Variants in ATP6V1B2 observed in about 807,000 individuals in gnomAD.
ATP6V1B2 encodes the protein V-type proton ATPase subunit B, brain isoform.
A neutral mutation model predicts 66.7 loss-of-function variants in ATP6V1B2; 23 were observed. That is an observed-to-expected ratio of 0.34 (90% CI 0.25 to 0.49). The LOEUF is 0.49. ATP6V1B2 is among the 20% of genes least tolerant of loss of function. The pLI, the probability that ATP6V1B2 is intolerant of heterozygous loss-of-function variation, is 0.99. For missense variants in ATP6V1B2, 478 were observed against 650.8 expected (o/e 0.73, Z 2.89); for synonymous variants, 278 against 236.7 (o/e 1.17, Z -1.60).
intron 13 of ATP6V1B2, 67 bp downstream of exon 13, chr8:20,218,349 C>T: frequency 1.3e-6 from 2 of 1,566,698 alleles, no homozygotes; most frequent in African/African-American, 1.4e-5. Flanking sequence ...GCTTTCCAAG[C>T]CTAAGAAAAT....
At chr8:20,213,940 A>G (rs1050690958) in intron 9 of ATP6V1B2, 8 of 152,190 alleles carry the variant, frequency 5.3e-5, no homozygotes, top group Admixed American at 1.3e-4. Context: ...AACTATATAT[A>G]TAATTTACAA....
intron 2 of ATP6V1B2, among the ~76,000 whole-genome samples, chr8:20,205,233 T>C (rs985302090): frequency 1.3e-5 from 2 of 152,316 alleles, no homozygotes; most frequent in East Asian, 3.9e-4. Context: ...AATAAACTTT[T>C]GGACTCATTT....
At chr8:20,197,630 G>A (rs376243863) in intron 1 of ATP6V1B2, 88 bp downstream of exon 1, 4 of 1,276,032 alleles carry the variant, frequency 3.1e-6, no homozygotes, top group Middle Eastern at 2.1e-4. Context: ...GCGGGTAGGG[G>A]GTAGGATTTG....
At position 20,210,195 on chromosome 8, in the gene ATP6V1B2, G is replaced by A. The variant is rs2410639; in HGVS notation, c.292-151G>A. On this transcript the variant is annotated intron_variant, in intron 3 of 13. Coordinates refer to ENST00000276390, the MANE Select transcript of ATP6V1B2 (RefSeq NM_001693.4). ...CCCTTGATCTAAAGGTTGACAATTTGATTTATTATCATATTTCTTTGCTCA... is the reference window on the plus strand; with the variant it reads ...CCCTTGATCTAAAGGTTGACAATTTAATTTATTATCATATTTCTTTGCTCA... The A allele has an allele frequency of 0.05, 31,041 of 622,064 alleles. 1,054 individuals are homozygous for A. The highest frequency in any genetic ancestry group is 0.11 in the African/African-American group (5,843 of 53,226). The allele number at this position is 622,064 out of a possible 1,614,324, so 38.5% of individuals were successfully genotyped here.
rs757333430 is a variant in ATP6V1B2 at position 20,221,066 on chromosome 8, G to A, written c.*664G>A. 1 of 152,128 alleles carries A rather than the reference G, an allele frequency of 6.6e-6. No homozygotes were observed. The highest frequency in any genetic ancestry group is 6.6e-5 in the Admixed American group (1 of 15,264). 9.4% of individuals were successfully genotyped at this position (152,128 alleles called of 1,614,324 possible). On this transcript the variant is annotated 3_prime_UTR_variant, in exon 14 of 14. Transcript: ENST00000276390. The stretch of plus-strand genomic sequence containing the variant: ...AATCCTGCAACTTTTTGCACAGCTG[G>A]TATCTGTCTGGTAGCAGTGAGACCC...
chr8:20,200,330 C>G (rs992356539), intron 1 of ATP6V1B2, among the ~76,000 whole-genome samples: 1 of 152,072 alleles, frequency 6.6e-6, no homozygotes, highest in African/African-American at 2.4e-5. Flanking sequence ...AAGCTTCACA[C>G]TGAACCTTTA....
chr8:20,217,104 G>A (rs2072862317), intron 11 of ATP6V1B2, 116 bp from the exon 12 acceptor site: 2 of 823,902 alleles, frequency 2.4e-6, no homozygotes. Context: ...GGAGACAAAT[G>A]CAGCGGTTGT....
intron 1 of ATP6V1B2, among the ~76,000 whole-genome samples, chr8:20,200,346 C>T (rs924882873): frequency 9.9e-5 from 15 of 152,056 alleles, no homozygotes; most frequent in Admixed American, 9.8e-4. Context: ...CTTTAGAAGT[C>T]AGAGATCCTT....
rs140592350 is a variant in ATP6V1B2 at position 20,203,189 on chromosome 8, G to GA, written c.137-1286dup. 4.5e-3 allele frequency among the ~76,000 whole-genome samples: 683 copies of GA among 150,866 alleles called. 1 individual carries two copies. Among genetic ancestry groups the GA allele is most frequent in the Non-Finnish European group, 6.9e-3 (464 of 67,584 alleles). On this transcript the variant is annotated intron_variant, in intron 1 of 13. Transcript: ENST00000276390. ...TAGCTTGCTTTTTATCTAAAGTGGG[G>GA]AAAAAAAAATACAGTTCAGTTGGGG... is the stretch of plus-strand genomic sequence containing the variant.
In ATP6V1B2 at chr8:20,220,564, A is replaced by G; in HGVS notation, c.*162A>G. On this transcript the variant is annotated 3_prime_UTR_variant, in exon 14 of 14. Coordinates refer to ENST00000276390, the MANE Select transcript of ATP6V1B2 (RefSeq NM_001693.4). ...TATTGTGCCAGTGTTGCAACGTTTT[A>G]AACTGCTAACAGACCTTAAAATATC... 1 of 1,046,190 alleles carries G rather than the reference A, an allele frequency of 9.6e-7. No individual in the cohort carries two copies. Among genetic ancestry groups the G allele is most frequent in the East Asian group, 3.0e-5 (1 of 33,254 alleles). 64.8% of individuals were successfully genotyped at this position (1,046,190 alleles called of 1,614,324 possible). A position where few individuals can be genotyped will look rare whatever the true frequency, so the allele number is the denominator to read the frequency against.
intron 1 of ATP6V1B2, among the ~76,000 whole-genome samples, chr8:20,203,168 T>A (rs1410726280): frequency 6.6e-6 from 1 of 152,166 alleles, no homozygotes; most frequent in African/African-American, 2.4e-5. Context: ...TCCAAGTAGC[T>A]TGCTTTTTAT....
Position 20,217,343 on chromosome 8 carries a change from G to A in ATP6V1B2, c.1266+19G>A. ...CCAGCTAGTATGTACATTCTTCTAA[G>A]AATGGTGTTTGAAAATATGGATACG... On this transcript the variant is annotated intron_variant, in intron 12 of 13. Coordinates refer to ENST00000276390, the MANE Select transcript of ATP6V1B2 (RefSeq NM_001693.4). 1.3e-6 allele frequency: 2 copies of A among 1,584,800 alleles called. No individual in the cohort carries two copies. Among genetic ancestry groups the A allele is most frequent in the East Asian group, 4.5e-5 (2 of 44,730 alleles).
At chr8:20,209,353 A>G (rs1001031956) in intron 2 of ATP6V1B2, 80 bp from the exon 3 acceptor site, 11 of 1,385,730 alleles carry the variant, frequency 7.9e-6, no homozygotes, top group African/African-American at 4.3e-5. Context: ...CAGACACAAC[A>G]TGGGAGAGAC....
Position 20,216,429 on chromosome 8 carries a change from C to G in ATP6V1B2, c.1095C>G (p.Ile365Met). ...TMPNDDITHP[I>M]PDLTGYITEG... ...CTCTGGTAGATATCACTCACCCCATCCCAGACTTGACTGGCTACATTACAG... is the reference window on the plus strand; with the variant it reads ...CTCTGGTAGATATCACTCACCCCATGCCAGACTTGACTGGCTACATTACAG... The change falls in exon 11 of 14, where the codon ATC becomes ATG. Residue 365 changes from isoleucine to methionine, a missense_variant. Transcript: ENST00000276390. 1 of 1,613,056 alleles carries G rather than the reference C, an allele frequency of 6.2e-7. No individual in the cohort carries two copies. Among genetic ancestry groups the G allele is most frequent in the Non-Finnish European group, 8.5e-7 (1 of 1,179,236 alleles).
chr8:20,216,541 C>G (rs369825847), intron 11 of ATP6V1B2, 46 bp downstream of exon 11: 15 of 1,533,874 alleles, frequency 9.8e-6, no homozygotes, highest in Middle Eastern at 1.7e-4. Context: ...CCTGCTCATC[C>G]GTTATTCTTT....
At chr8:20,202,402 T>C (rs1457125160) in intron 1 of ATP6V1B2, among the ~76,000 whole-genome samples, 2 of 152,230 alleles carry the variant, frequency 1.3e-5, no homozygotes, top group Non-Finnish European at 2.9e-5. Context: ...CTGTCTGTTA[T>C]GGAGATTAAA....
Position 20,220,189 on chromosome 8 carries a change from T to A in ATP6V1B2, c.1397-74T>A, listed in dbSNP as rs1250001606. On this transcript the variant is annotated intron_variant, in intron 13 of 13. Transcript: ENST00000276390. Reference sequence around the variant, plus strand: ...TCTATTTAATACACTGCTAGTCATATAACAATACATACTGGATAACACTGC... The same window carrying A: ...TCTATTTAATACACTGCTAGTCATAAAACAATACATACTGGATAACACTGC... 1.2e-5 allele frequency: 18 copies of A among 1,511,968 alleles called. No homozygotes were observed. In the East Asian group the frequency reaches 3.1e-4, roughly 26 times the overall value. 93.7% of individuals were successfully genotyped at this position (1,511,968 alleles called of 1,614,324 possible). A position where few individuals can be genotyped will look rare whatever the true frequency, so the allele number is the denominator to read the frequency against.
chr8:20,200,038 T>C (rs2072669456), intron 1 of ATP6V1B2, among the ~76,000 whole-genome samples: 1 of 151,980 alleles, frequency 6.6e-6, no homozygotes, highest in African/African-American at 2.4e-5. Flanking sequence ...GGTCTCACTC[T>C]GTTGCCTAGG....
intron 9 of ATP6V1B2, chr8:20,213,851 A>G (rs913837960): frequency 2.6e-5 from 4 of 152,206 alleles, no homozygotes; most frequent in African/African-American, 9.6e-5. Flanking sequence ...GTCAAGGACT[A>G]GTTTTTCTCC....
Sources: allele counts gnomAD v4.1 joint callset (sites outside exome capture counted in the v4.1 genomes callset), GRCh38; gene constraint gnomAD v4.1.1; transcripts MANE v1.5; gene names NCBI Gene and HGNC (gene_info 2026-07-23, HGNC 2026-07-21).